MDGA2: variants seen among roughly 807,000 people sequenced by gnomAD.
The protein encoded by MDGA2 is MAM domain-containing glycosylphosphatidylinositol anchor protein 2.
In MDGA2, 40 loss-of-function variants were observed where a neutral mutation model predicts 117.8. The observed-to-expected ratio is 0.34, with a 90% confidence interval of 0.26 to 0.44. MDGA2 has a LOEUF of 0.44. Ranked by LOEUF, MDGA2 falls within the 20% of genes least tolerant of loss-of-function variation. The probability of loss-of-function intolerance (pLI) is 1.00; values close to 1 mark genes in which losing one functional copy is unlikely to be tolerated. For missense variants in MDGA2, 1,123 were observed against 1,250.6 expected, an observed-to-expected ratio of 0.90 and a Z score of 1.54; for synonymous variants, 452 against 439.0, an observed-to-expected ratio of 1.03 and a Z score of -0.37.
chr14:47,480,919 T>G (rs1293240333), intron 1 of MDGA2, among the ~76,000 whole-genome samples: 1 of 151,994 alleles, frequency 6.6e-6, no homozygotes, highest in Non-Finnish European at 1.5e-5. Flanking sequence ...AGAATTGTTC[T>G]GATAGTAATA....
At chr14:47,462,537 T>C (rs1893512100) in intron 1 of MDGA2, among the ~76,000 whole-genome samples, 1 of 152,148 alleles carries the variant, frequency 6.6e-6, no homozygotes, top group Non-Finnish European at 1.5e-5. Context: ...ATGTTAACAA[T>C]TGCCTTAGGT....
chr14:47,593,567 G>A (rs1294481077), intron 1 of MDGA2, among the ~76,000 whole-genome samples: 1 of 152,142 alleles, frequency 6.6e-6, no homozygotes, highest in East Asian at 1.9e-4. Flanking sequence ...ACGAGACCAT[G>A]TCCTTTGCAG....
chr14:46,930,031 G>A (rs1029651621), intron 9 of MDGA2, among the ~76,000 whole-genome samples: 6 of 151,176 alleles, frequency 4.0e-5, no homozygotes, highest in African/African-American at 1.5e-4. Flanking sequence ...TATTATTTTC[G>A]GAATTGACCA....
intron 9 of MDGA2, 120 bp downstream of exon 9, chr14:46,957,254 A>G (rs1406756008): frequency 1.1e-6 from 1 of 921,502 alleles, no homozygotes; most frequent in African/African-American, 1.7e-5. Context: ...TAACTTGAGG[A>G]GTCAAGCTGT....
intron 3 of MDGA2, among the ~76,000 whole-genome samples, chr14:47,155,973 G>A (rs1267365724): frequency 8.2e-6 from 1 of 121,380 alleles, no homozygotes; most frequent in East Asian, 2.8e-4. Flanking sequence ...GCAGTGGCGC[G>A]ATCTCGGCTC....
At chr14:47,022,261 G>A (rs1036302649) in intron 8 of MDGA2, among the ~76,000 whole-genome samples, 4 of 151,892 alleles carry the variant, frequency 2.6e-5, no homozygotes, top group African/African-American at 9.7e-5. Flanking sequence ...AATTTTTGTA[G>A]TTTTTTGCAG....
intron 5 of MDGA2, among the ~76,000 whole-genome samples, chr14:47,106,793 A>G (rs2139033390): frequency 1.4e-5 from 2 of 144,514 alleles, no homozygotes; most frequent in African/African-American, 5.2e-5. Context: ...CCCTCTTTTC[A>G]AGGGCCCGTT....
chr14:47,364,973 C>T (rs1306563527), intron 1 of MDGA2, among the ~76,000 whole-genome samples: 1 of 152,122 alleles, frequency 6.6e-6, no homozygotes, highest in East Asian at 1.9e-4. Flanking sequence ...ATAACATTGC[C>T]TTCATGATAT....
chr14:47,493,972 G>A (rs987402081), intron 1 of MDGA2, among the ~76,000 whole-genome samples: 1 of 152,110 alleles, frequency 6.6e-6, no homozygotes, highest in Non-Finnish European at 1.5e-5. Context: ...GAGGGACCTC[G>A]TGATTAGGTC....
chr14:47,049,720 CTTTCA>C (rs1354441649), intron 7 of MDGA2, among the ~76,000 whole-genome samples: 2 of 151,922 alleles, frequency 1.3e-5, no homozygotes, highest in Non-Finnish European at 2.9e-5. Flanking sequence ...ACTGTATTTC[CTTTCA>C]TATTCTGCAT....
chr14:46,909,790 T>C (rs932833519), intron 10 of MDGA2, among the ~76,000 whole-genome samples: 1 of 152,164 alleles, frequency 6.6e-6, no homozygotes, highest in African/African-American at 2.4e-5. Flanking sequence ...GCAGAGAAAC[T>C]GCTTATTCAA....
intron 3 of MDGA2, among the ~76,000 whole-genome samples, chr14:47,154,311 G>C (rs1883280256): frequency 6.6e-6 from 1 of 152,188 alleles, no homozygotes; most frequent in African/African-American, 2.4e-5. Flanking sequence ...CATTTGGAGT[G>C]GCTGCTGCAA....
rs537584299 is a variant in MDGA2 at position 46,840,294 on chromosome 14, T to A, written c.*1637A>T. ...ATATTCCAATTGCTTGCATAATCAG[T>A]TTTTTTAATCCTGGGGTGTTGAAAG... On this transcript the variant is annotated 3_prime_UTR_variant, in exon 17 of 17. Coordinates refer to ENST00000399232, the MANE Select transcript of MDGA2 (RefSeq NM_001113498.3). 1 of 152,422 alleles carries A rather than the reference T, an allele frequency of 6.6e-6. No homozygotes were observed. Among genetic ancestry groups the A allele is most frequent in the East Asian group, 1.9e-4 (1 of 5,170 alleles). 9.4% of individuals were successfully genotyped at this position (152,422 alleles called of 1,614,324 possible).
intron 7 of MDGA2, among the ~76,000 whole-genome samples, chr14:47,053,685 A>G (rs1889557085): frequency 6.8e-6 from 1 of 148,120 alleles, no homozygotes; most frequent in Non-Finnish European, 1.5e-5. Flanking sequence ...ATATATACAC[A>G]CACACATATA....
chr14:47,582,397 G>A (rs1167741170), intron 1 of MDGA2, among the ~76,000 whole-genome samples: 1 of 151,746 alleles, frequency 6.6e-6, no homozygotes, highest in Non-Finnish European at 1.5e-5. Context: ...TTTTACATGT[G>A]GCTGAATCTG....
intron 5 of MDGA2, among the ~76,000 whole-genome samples, chr14:47,107,362 G>T (rs552548387): frequency 1.3e-5 from 2 of 151,928 alleles, no homozygotes; most frequent in Admixed American, 6.6e-5. Flanking sequence ...TATAAACCCC[G>T]TGGTGCCAAA....
intron 1 of MDGA2, among the ~76,000 whole-genome samples, chr14:47,547,799 G>T (rs139028531): frequency 3.2e-4 from 48 of 152,272 alleles, no homozygotes; most frequent in Middle Eastern, 3.4e-3. Flanking sequence ...TGTAAATTCT[G>T]TAAAGCATCA....
In MDGA2 at chr14:47,144,132, G is replaced by A. The variant is rs1391717618; in HGVS notation, c.738C>T (p.Val246=). ...CTCCTTTATCAGATCCTTGCAGCAA[G>A]ACCTCCTGGCCACGTCTCCAGCTAT... ...VRYSWRRGQE[V]LLQGSDKGVE... Residue 246 remains valine (V), a synonymous_variant, in exon 4 of 17, where the codon GTC becomes GTT. Coordinates refer to ENST00000399232, the MANE Select transcript of MDGA2 (RefSeq NM_001113498.3). 1 of 1,551,042 alleles carries A rather than the reference G, an allele frequency of 6.4e-7. No homozygotes were observed. Among genetic ancestry groups the A allele is most frequent in the East Asian group, 2.4e-5 (1 of 40,876 alleles).
At chr14:47,668,577 G>A (rs1392084819) in intron 1 of MDGA2, among the ~76,000 whole-genome samples, 1 of 152,156 alleles carries the variant, frequency 6.6e-6, no homozygotes, top group Non-Finnish European at 1.5e-5. Flanking sequence ...AGTTTTCTAT[G>A]AATGCAATAT....
Sources: allele counts gnomAD v4.1 joint callset (sites outside exome capture counted in the v4.1 genomes callset), GRCh38; gene constraint gnomAD v4.1.1; transcripts MANE v1.5; gene names NCBI Gene and HGNC (gene_info 2026-07-23, HGNC 2026-07-21).